FRMD4A: variants seen among roughly 807,000 people sequenced by gnomAD.
The protein encoded by FRMD4A is FERM domain-containing protein 4A.
FRMD4A carries 29 observed loss-of-function variants against 129.1 expected under a neutral mutation model. The observed-to-expected ratio is 0.22, with a 90% confidence interval of 0.17 to 0.31. FRMD4A has a LOEUF of 0.31. FRMD4A is among the 10% of genes least tolerant of loss of function. The probability of loss-of-function intolerance (pLI) is 1.00; values close to 1 mark genes in which losing one functional copy is unlikely to be tolerated. For missense variants in FRMD4A, 1,272 were observed against 1,375.8 expected, an observed-to-expected ratio of 0.92 and a Z score of 1.19; for synonymous variants, 634 against 571.6, an observed-to-expected ratio of 1.11 and a Z score of -1.56.
rs2094762249 is a variant in FRMD4A at position 13,896,670 on chromosome 10, G to C, written c.46-37758C>G. Among the ~76,000 whole-genome samples, 3 of 151,306 alleles carry C rather than the reference G, an allele frequency of 2.0e-5. No individual in the cohort carries two copies. In the South Asian group the frequency reaches 6.3e-4, roughly 32 times the overall value. ...CTGCAAGTTCTGCACATGTGTCCCA[G>C]AACTTGAAGTTAAAAAAAAAAGAAA... On this transcript the variant is annotated intron_variant, in intron 2 of 24. Coordinates refer to ENST00000357447, the MANE Select transcript of FRMD4A (RefSeq NM_018027.5).
chr10:14,026,123 T>C lies in FRMD4A; in HGVS notation c.46-167211A>G, dbSNP rs540973574. On this transcript the variant is annotated intron_variant, in intron 2 of 24. Coordinates refer to ENST00000357447, the MANE Select transcript of FRMD4A (RefSeq NM_018027.5). ...GTGACCACTTAACAGCCAACATTGA[T>C]GTCAAAGAAGGTGGGCCTCATGAGA... 3.9e-5 allele frequency among the ~76,000 whole-genome samples: 6 copies of C among 152,288 alleles called. No homozygotes were observed. The East Asian group carries it at 1.2e-3, about 29-fold the overall frequency.
intron 2 of FRMD4A, among the ~76,000 whole-genome samples, chr10:14,208,571 G>C (rs1212280723): frequency 1.3e-5 from 2 of 152,080 alleles, no homozygotes; most frequent in African/African-American, 4.8e-5. Flanking sequence ...TGGGCTGAAG[G>C]AAGGCCACTC....
intron 2 of FRMD4A, among the ~76,000 whole-genome samples, chr10:13,943,967 C>T (rs2095313215): frequency 6.6e-6 from 1 of 152,090 alleles, no homozygotes; most frequent in South Asian, 2.1e-4. Context: ...TAACTCCGGC[C>T]ATCAGTAAGG....
intron 2 of FRMD4A, among the ~76,000 whole-genome samples, chr10:14,261,941 A>AACAAACAC (rs1844816176): frequency 7.8e-6 from 1 of 128,232 alleles, no homozygotes. Context: ...CACCACACCA[A>AACAAACAC]ACACACACAC....
intron 2 of FRMD4A, among the ~76,000 whole-genome samples, chr10:14,073,025 A>G (rs1835387943): frequency 6.6e-6 from 1 of 151,300 alleles, no homozygotes. Context: ...AAGAAGGGAT[A>G]AAAAAATAAT....
chr10:13,671,672 G>C (rs2083521916), intron 16 of FRMD4A, among the ~76,000 whole-genome samples: 1 of 152,216 alleles, frequency 6.6e-6, no homozygotes, highest in Non-Finnish European at 1.5e-5. Context: ...GGCTCTCTGT[G>C]AGTGAGTTGT....
In FRMD4A at chr10:13,991,352, C is replaced by T. The variant is rs967768675; in HGVS notation, c.46-132440G>A. Among the ~76,000 whole-genome samples the T allele has an allele frequency of 1.1e-4, 16 of 152,220 alleles. 1 individual carries two copies. The highest frequency in any genetic ancestry group is 5.9e-4 in the Admixed American group (9 of 15,276). The stretch of plus-strand genomic sequence containing the variant: ...CTCTGCAGAACTGTCATCCCCCAGG[C>T]ATAGCTGCAGCTTGTATGAAGGTGG... On this transcript the variant is annotated intron_variant, in intron 2 of 24. Transcript: ENST00000357447.
chr10:13,761,771 G>A, intron 7 of FRMD4A, 102 bp from the exon 8 acceptor site: 1 of 772,590 alleles, frequency 1.3e-6, no homozygotes, highest in South Asian at 1.7e-5. Context: ...TGAATGAGAT[G>A]AGTTCAGCTT....
intron 2 of FRMD4A, among the ~76,000 whole-genome samples, chr10:13,907,160 A>G (rs941959112): frequency 6.6e-6 from 1 of 152,206 alleles, no homozygotes; most frequent in African/African-American, 2.4e-5. Context: ...TATATTTTAC[A>G]TCAGAAGGTA....
At chr10:14,263,598 G>A (rs1053786603) in intron 2 of FRMD4A, among the ~76,000 whole-genome samples, 1 of 152,078 alleles carries the variant, frequency 6.6e-6, no homozygotes, top group Admixed American at 6.5e-5. Flanking sequence ...TGACTGTCCT[G>A]TGCCCCAGAA....
At chr10:14,160,423 C>A (rs1343558181) in intron 2 of FRMD4A, among the ~76,000 whole-genome samples, 1 of 152,026 alleles carries the variant, frequency 6.6e-6, no homozygotes, top group East Asian at 1.9e-4. Context: ...GGCAACAACA[C>A]AAAAATAGAC....
At chr10:13,732,654 G>A (rs1040117494) in intron 12 of FRMD4A, among the ~76,000 whole-genome samples, 1 of 152,264 alleles carries the variant, frequency 6.6e-6, no homozygotes, top group Non-Finnish European at 1.5e-5. Flanking sequence ...CAGGTGCACA[G>A]TGCTGGGTGT....
intron 2 of FRMD4A, among the ~76,000 whole-genome samples, chr10:14,187,827 A>G (rs966983263): frequency 6.6e-6 from 1 of 152,224 alleles, no homozygotes; most frequent in Admixed American, 6.5e-5. Flanking sequence ...CTTTGATTCC[A>G]TATTTCACTA....
At chr10:13,652,208 T>C (rs717334) in intron 23 of FRMD4A, 14,047 of 577,568 alleles carry the variant, frequency 0.024, 780 homozygotes, top group African/African-American at 0.15. Context: ...GGCCTCATTT[T>C]GTATCACATC....
At chr10:13,671,459 G>GA (rs761511650) in intron 16 of FRMD4A, among the ~76,000 whole-genome samples, 9 of 150,786 alleles carry the variant, frequency 6.0e-5, no homozygotes, top group Non-Finnish European at 8.9e-5. Context: ...GTTTATTAAG[G>GA]AAAAAAAAAG....
chr10:13,943,537 A>G (rs2095308745), intron 2 of FRMD4A, among the ~76,000 whole-genome samples: 3 of 150,156 alleles, frequency 2.0e-5, no homozygotes. Flanking sequence ...AGTCCCAGCT[A>G]CTTGGGAGGC....
chr10:14,288,891 A>T (rs1845764995), intron 2 of FRMD4A, among the ~76,000 whole-genome samples: 1 of 152,140 alleles, frequency 6.6e-6, no homozygotes, highest in South Asian at 2.1e-4. Flanking sequence ...CCTTCTATGC[A>T]TGGCTTATTT....
At chr10:14,240,024 T>C (rs1216452113) in intron 2 of FRMD4A, among the ~76,000 whole-genome samples, 1 of 152,198 alleles carries the variant, frequency 6.6e-6, no homozygotes, top group Non-Finnish European at 1.5e-5. Context: ...AAATCATGTA[T>C]TGATTTACAG....
chr10:14,156,403 G>A (rs531642949), intron 2 of FRMD4A, among the ~76,000 whole-genome samples: 3 of 152,198 alleles, frequency 2.0e-5, no homozygotes, highest in South Asian at 4.1e-4. Context: ...TAAACAAATC[G>A]CAGATGATTC....
Sources: allele counts gnomAD v4.1 joint callset (sites outside exome capture counted in the v4.1 genomes callset), GRCh38; gene constraint gnomAD v4.1.1; transcripts MANE v1.5; gene names NCBI Gene and HGNC (gene_info 2026-07-23, HGNC 2026-07-21).